Variants in SORCS3 observed in about 807,000 individuals in gnomAD.
The protein encoded by SORCS3 is sortilin related VPS10 domain containing receptor 3, also known as VPS10 domain-containing receptor SorCS3.
In SORCS3, 57 loss-of-function variants were observed where a neutral mutation model predicts 146.3. That is an observed-to-expected ratio of 0.39 (90% CI 0.31 to 0.49). SORCS3 has a LOEUF of 0.49. SORCS3 is among the 20% of genes least tolerant of loss of function. The pLI, the probability that SORCS3 is intolerant of heterozygous loss-of-function variation, is 0.92. For synonymous variants in SORCS3, 653 were observed against 618.5 expected (o/e 1.06, Z -0.83); for missense variants, 1,341 against 1,575.5 (o/e 0.85, Z 2.52).
intron 1 of SORCS3, among the ~76,000 whole-genome samples, chr10:104,694,467 C>T (rs1035986022): frequency 5.9e-5 from 9 of 151,964 alleles, no homozygotes; most frequent in African/African-American, 2.2e-4. Context: ...CCCCAGGATC[C>T]CTTCCTCAGG....
chr10:105,115,474 T>G (rs953883880), intron 7 of SORCS3, among the ~76,000 whole-genome samples: 16 of 152,212 alleles, frequency 1.1e-4, no homozygotes, highest in African/African-American at 3.4e-4. Context: ...AAATTCGTTT[T>G]TAAATTATTC....
At chr10:105,026,840 G>A (rs1282448017) in intron 4 of SORCS3, among the ~76,000 whole-genome samples, 1 of 152,164 alleles carries the variant, frequency 6.6e-6, no homozygotes, top group African/African-American at 2.4e-5. Context: ...GTGGGTGGGG[G>A]AAGGGGACCA....
At chr10:104,968,847 T>C (rs578176119) in intron 3 of SORCS3, among the ~76,000 whole-genome samples, 2 of 152,368 alleles carry the variant, frequency 1.3e-5, no homozygotes, top group African/African-American at 4.8e-5. Context: ...ACAGATATAT[T>C]TAATTTGGGC....
chr10:104,795,977 C>T (rs1016390561), intron 1 of SORCS3, among the ~76,000 whole-genome samples: 11 of 152,312 alleles, frequency 7.2e-5, no homozygotes, highest in African/African-American at 1.7e-4. Context: ...CCTAGCAGAG[C>T]GCTTTGCCCT....
At chr10:105,012,141 G>A (rs2055139624) in intron 4 of SORCS3, among the ~76,000 whole-genome samples, 1 of 152,158 alleles carries the variant, frequency 6.6e-6, no homozygotes, top group Non-Finnish European at 1.5e-5. Context: ...TCTACTGAAT[G>A]TGGGCAGATT....
intron 1 of SORCS3, among the ~76,000 whole-genome samples, chr10:104,719,407 G>A (rs1371037510): frequency 3.3e-5 from 5 of 152,166 alleles, no homozygotes; most frequent in Admixed American, 6.6e-5. Context: ...TAAGTAATTC[G>A]AGAATGGAGC....
intron 1 of SORCS3, among the ~76,000 whole-genome samples, chr10:104,714,132 C>CT (rs2016450564): frequency 6.6e-6 from 1 of 151,876 alleles, no homozygotes; most frequent in South Asian, 2.1e-4. Context: ...TAATTTGTGT[C>CT]TTTTTTCTTT....
At chr10:105,188,977 C>T (rs979795687) in intron 14 of SORCS3, among the ~76,000 whole-genome samples, 2 of 152,108 alleles carry the variant, frequency 1.3e-5, no homozygotes, top group African/African-American at 2.4e-5. Context: ...TAACTATTTG[C>T]TTAGAGGAAT....
chr10:104,993,261 C>T (rs1481273153), intron 4 of SORCS3, among the ~76,000 whole-genome samples: 2 of 152,130 alleles, frequency 1.3e-5, no homozygotes, highest in Non-Finnish European at 2.9e-5. Context: ...GCGCTGTTGC[C>T]GAGGTGCACT....
intron 1 of SORCS3, among the ~76,000 whole-genome samples, chr10:104,760,509 C>T (rs1048422921): frequency 1.3e-5 from 2 of 152,168 alleles, no homozygotes; most frequent in East Asian, 1.9e-4. Flanking sequence ...GAACATTTTT[C>T]TCAGAGAATA....
chr10:104,905,391 A>G (rs1024117192), intron 2 of SORCS3, among the ~76,000 whole-genome samples: 2 of 152,132 alleles, frequency 1.3e-5, no homozygotes, highest in Admixed American at 1.3e-4. Context: ...CCCTCTTTCT[A>G]TTCTGGATGG....
At chr10:105,227,946 G>T (rs986320338) in intron 20 of SORCS3, among the ~76,000 whole-genome samples, 2 of 150,330 alleles carry the variant, frequency 1.3e-5, no homozygotes, top group African/African-American at 4.9e-5. Flanking sequence ...GTCATGACAG[G>T]TGGGATGAGT....
chr10:104,930,762 C>T (rs1299554115), intron 3 of SORCS3, among the ~76,000 whole-genome samples: 1 of 152,192 alleles, frequency 6.6e-6, no homozygotes, highest in African/African-American at 2.4e-5. Context: ...TTGATATCCT[C>T]ACTCTACCTC....
intron 2 of SORCS3, among the ~76,000 whole-genome samples, chr10:104,861,302 A>G (rs1341230665): frequency 3.3e-5 from 5 of 152,212 alleles, no homozygotes; most frequent in African/African-American, 1.2e-4. Flanking sequence ...TTTGAATCCC[A>G]GTTATGCCAC....
intron 1 of SORCS3, among the ~76,000 whole-genome samples, chr10:104,694,863 T>A (rs2016155678): frequency 6.6e-6 from 1 of 152,208 alleles, no homozygotes; most frequent in African/African-American, 2.4e-5. Flanking sequence ...ATTATTGATA[T>A]AAGTGCCTAC....
intron 5 of SORCS3, among the ~76,000 whole-genome samples, chr10:105,068,623 A>T (rs1056690717): frequency 6.6e-6 from 1 of 152,222 alleles, no homozygotes. Context: ...ATTTAAAAAA[A>T]ATTAAAGCGT....
intron 3 of SORCS3, among the ~76,000 whole-genome samples, chr10:104,972,906 G>T (rs552408359): frequency 3.3e-5 from 5 of 152,126 alleles, no homozygotes; most frequent in South Asian, 2.1e-4. Context: ...TAGCATGAAG[G>T]GTTGTTGAAT....
chr10:105,089,656 C>T (rs532144135), intron 5 of SORCS3, 119 bp from the exon 6 acceptor site: 1 of 755,510 alleles, frequency 1.3e-6, no homozygotes, highest in Non-Finnish European at 2.3e-6. Flanking sequence ...TCCCATACTG[C>T]AGGATGGTCC....
chr10:104,701,411 TAAC>T (rs1393473144), intron 1 of SORCS3, among the ~76,000 whole-genome samples: 1 of 152,192 alleles, frequency 6.6e-6, no homozygotes, highest in Non-Finnish European at 1.5e-5. Flanking sequence ...TCAGTTTTCT[TAAC>T]AATCGGTCTT....
Sources: allele counts gnomAD v4.1 joint callset (sites outside exome capture counted in the v4.1 genomes callset), GRCh38; gene constraint gnomAD v4.1.1; transcripts MANE v1.5; gene names NCBI Gene and HGNC (gene_info 2026-07-23, HGNC 2026-07-21).